Variants in CLIC6 observed in about 807,000 individuals in gnomAD.
CLIC6 encodes the protein chloride intracellular channel protein 6.
CLIC6 carries 39 observed loss-of-function variants against 49.2 expected under a neutral mutation model. The ratio of observed to expected loss-of-function variants is 0.79; its 90% CI spans 0.61 to 1.04. CLIC6 has a LOEUF of 1.04. Among genes scored for constraint, CLIC6 ranks in the 50% least tolerant of loss-of-function variants. The pLI is 0.00. For synonymous variants in CLIC6, 446 were observed against 433.4 expected (o/e 1.03, Z -0.36); for missense variants, 988 against 993.1 (o/e 0.99, Z 0.07).
At chr21:34,690,305 C>T (rs925912298) in intron 1 of CLIC6, among the ~76,000 whole-genome samples, 2 of 152,166 alleles carry the variant, frequency 1.3e-5, no homozygotes, top group Non-Finnish European at 1.5e-5. Context: ...ATTTTCTTCT[C>T]GAAATAGACA....
chr21:34,710,587 G>T (rs1601288502), intron 5 of CLIC6, among the ~76,000 whole-genome samples: 1 of 152,214 alleles, frequency 6.6e-6, no homozygotes, highest in African/African-American at 2.4e-5. Context: ...GCCAAGGCGG[G>T]CAGGTCACGA....
chr21:34,706,279 G>C (rs2056014091), intron 1 of CLIC6, among the ~76,000 whole-genome samples: 1 of 152,228 alleles, frequency 6.6e-6, no homozygotes, highest in East Asian at 1.9e-4. Flanking sequence ...CTTTTCAACA[G>C]CTCAATCTTG....
chr21:34,699,277 G>T (rs1167688448), intron 1 of CLIC6, among the ~76,000 whole-genome samples: 1 of 152,048 alleles, frequency 6.6e-6, no homozygotes, highest in African/African-American at 2.4e-5. Flanking sequence ...TTTGAGACAG[G>T]ATCTCCCTCT....
At position 34,709,347 on chromosome 21, in the gene CLIC6, T is replaced by C. The variant is rs779768925; in HGVS notation, c.1718-10T>C. On this transcript the variant is annotated splice_polypyrimidine_tract_variant and intron_variant, in intron 4 of 5. Transcript: ENST00000349499. Reference sequence around the variant, plus strand: ...ACCTCTCTTTGTGATTTCTTGCCCTTCTGTTTTAGTTCATGAAAAGAACCT... The same window carrying C: ...ACCTCTCTTTGTGATTTCTTGCCCTCCTGTTTTAGTTCATGAAAAGAACCT... The C allele has an allele frequency of 3.1e-6, 5 of 1,606,712 alleles. No individual in the cohort carries two copies. In the East Asian group the frequency reaches 1.1e-4, roughly 36 times the overall value.
chr21:34,694,622 G>T (rs933551488), intron 1 of CLIC6, among the ~76,000 whole-genome samples: 4 of 152,050 alleles, frequency 2.6e-5, no homozygotes, highest in Non-Finnish European at 4.4e-5. Flanking sequence ...TTCACCTTCT[G>T]CCATGATTGT....
intron 1 of CLIC6, among the ~76,000 whole-genome samples, chr21:34,682,162 C>T (rs1191312228): frequency 6.6e-6 from 1 of 152,142 alleles, no homozygotes; most frequent in Non-Finnish European, 1.5e-5. Context: ...TATATGGGAG[C>T]TAAATTCTTA....
At chr21:34,700,340 C>T (rs13051825) in intron 1 of CLIC6, among the ~76,000 whole-genome samples, 1 of 134,348 alleles carries the variant, frequency 7.4e-6, no homozygotes, top group Non-Finnish European at 1.6e-5. Flanking sequence ...CCAGCTACTC[C>T]GGAGGCTGAG....
In CLIC6 at chr21:34,670,454, G is replaced by A; in HGVS notation, c.1066G>A (p.Glu356Lys). The A allele has an allele frequency of 1.4e-6, 2 of 1,474,106 alleles. No individual in the cohort carries two copies. The highest frequency in any genetic ancestry group is 9.0e-7 in the Non-Finnish European group (1 of 1,113,170). The allele number at this position is 1,474,106 out of a possible 1,614,324, so 91.3% of individuals were successfully genotyped here. Residue 356 changes from glutamate to lysine, a missense_variant, in exon 1 of 6, where the codon GAG becomes AAG. Around this residue, in one of 3 missense-constraint regions of CLIC6, gnomAD observed 647 missense variants for 596.9 expected, o/e 1.08. Transcript: ENST00000349499. ...CGGGGACGCAAGGGCAGACGCTGGCGAGGACAGGGTAGGGGATGGGCCACA... is the reference window on the plus strand; with the variant it reads ...CGGGGACGCAAGGGCAGACGCTGGCAAGGACAGGGTAGGGGATGGGCCACA... Reference protein sequence around the residue: ...APGDARADAGEDRVGDGPQQE... With the variant: ...APGDARADAGKDRVGDGPQQE...
chr21:34,670,125 TG>T lies in CLIC6; in HGVS notation c.742del (p.Asp248ThrfsTer3). On this transcript the variant is annotated frameshift_variant, in exon 1 of 6. Transcript: ENST00000349499. LOFTEE classifies it high-confidence loss of function. Reference protein sequence around the residue: ...AGDSVDAEGRVGDSVEAGDPA... With the variant: ...AGDSVDAEGRXGDSVEAGDPA... ...GACAGCGTAGACGCGGAGGGCCGGG[TG>T]GGGGACAGCGTAGAGGCGGGGGACC... The T allele has an allele frequency of 1.3e-6, 1 of 793,122 alleles. No homozygotes were observed. The highest frequency in any genetic ancestry group is 1.4e-6 in the Non-Finnish European group (1 of 692,168). 49.1% of individuals were successfully genotyped at this position (793,122 alleles called of 1,614,324 possible).
chr21:34,684,067 T>C (rs1989829099), intron 1 of CLIC6, among the ~76,000 whole-genome samples: 1 of 151,552 alleles, frequency 6.6e-6, no homozygotes, highest in South Asian at 2.1e-4. Context: ...TAAAAATAAG[T>C]AGGGAGAAGT....
intron 1 of CLIC6, among the ~76,000 whole-genome samples, chr21:34,699,572 T>G (rs1310661718): frequency 2.6e-5 from 4 of 152,098 alleles, no homozygotes; most frequent in African/African-American, 7.2e-5. Context: ...ACCTATTATC[T>G]GTTTTTAAAG....
chr21:34,698,344 C>T (rs1310375665), intron 1 of CLIC6, among the ~76,000 whole-genome samples: 2 of 151,292 alleles, frequency 1.3e-5, no homozygotes, highest in East Asian at 3.9e-4. Flanking sequence ...AATTAGTAAC[C>T]AATTGGGTGC....
At chr21:34,698,649 A>T (rs1225736673) in intron 1 of CLIC6, among the ~76,000 whole-genome samples, 2 of 152,208 alleles carry the variant, frequency 1.3e-5, no homozygotes, top group African/African-American at 4.8e-5. Flanking sequence ...TTTAATTCTT[A>T]TCCAGCACTA....
At chr21:34,693,788 G>A (rs1243464425) in intron 1 of CLIC6, among the ~76,000 whole-genome samples, 1 of 152,144 alleles carries the variant, frequency 6.6e-6, no homozygotes, top group Non-Finnish European at 1.5e-5. Flanking sequence ...AGGAGTTGTG[G>A]TCTTGCCTTG....
intron 1 of CLIC6, among the ~76,000 whole-genome samples, chr21:34,697,315 T>C (rs1165165721): frequency 6.6e-6 from 1 of 152,196 alleles, no homozygotes; most frequent in African/African-American, 2.4e-5. Flanking sequence ...CTGTATTAGC[T>C]GGTTCTCCAC....
intron 5 of CLIC6, among the ~76,000 whole-genome samples, chr21:34,714,707 A>AC (rs201771061): frequency 0.027 from 4,090 of 151,402 alleles, 192 homozygotes; most frequent in African/African-American, 0.095. Flanking sequence ...AAAAAAAAAA[A>AC]AAACTTGATA....
chr21:34,705,651 A>G (rs577975289), intron 1 of CLIC6, among the ~76,000 whole-genome samples: 2 of 152,300 alleles, frequency 1.3e-5, no homozygotes, highest in South Asian at 2.1e-4. Flanking sequence ...CTCTGAATTC[A>G]GTAATCTGGG....
At chr21:34,684,516 C>T (rs1989839357) in intron 1 of CLIC6, among the ~76,000 whole-genome samples, 1 of 152,206 alleles carries the variant, frequency 6.6e-6, no homozygotes, top group South Asian at 2.1e-4. Context: ...GCTACTCTGT[C>T]AGGTGGTCCA....
At chr21:34,715,280 A>T (rs371294613) in intron 5 of CLIC6, among the ~76,000 whole-genome samples, 1 of 152,220 alleles carries the variant, frequency 6.6e-6, no homozygotes, top group African/African-American at 2.4e-5. Flanking sequence ...ATGTGACCTT[A>T]TTTAAAAATA....
Sources: gnomAD v4.1 joint callset for allele counts (sites outside exome capture counted in the v4.1 genomes callset) on GRCh38, gnomAD v4.1.1 for gene constraint, gnomAD v4.1.1 regional missense constraint, MANE v1.5 for transcripts, NCBI Gene and HGNC (gene_info 2026-07-23, HGNC 2026-07-21) for gene names.